Variants in CACNA1E observed in about 807,000 individuals in gnomAD.
CACNA1E encodes the protein voltage-dependent R-type calcium channel subunit alpha-1E.
Under a neutral mutation model 259.2 loss-of-function variants are expected in CACNA1E, and 40 were observed. That is an observed-to-expected ratio of 0.15 (90% CI 0.12 to 0.20). The LOEUF is 0.20. Among genes scored for constraint, CACNA1E ranks in the 10% least tolerant of loss-of-function variants. CACNA1E has a pLI of 1.00. For missense variants in CACNA1E, 1,874 were observed against 3,040.1 expected, an observed-to-expected ratio of 0.62 and a Z score of 9.02; for synonymous variants, 1,104 against 1,138.5, an observed-to-expected ratio of 0.97 and a Z score of 0.61.
chr1:181,697,947 G>C (rs528501798), intron 7 of CACNA1E, among the ~76,000 whole-genome samples: 1 of 152,180 alleles, frequency 6.6e-6, no homozygotes. Context: ...TCTATGCTGG[G>C]GTGGGGGTTA....
chr1:181,413,773 T>G (rs191179408), intron 2 of CACNA1E, among the ~76,000 whole-genome samples: 10 of 152,354 alleles, frequency 6.6e-5, no homozygotes, highest in Admixed American at 2.0e-4. Flanking sequence ...CACCCGGCTG[T>G]AGGCCTCGTC....
chr1:181,742,623 C>A (rs1423923623), intron 25 of CACNA1E, among the ~76,000 whole-genome samples: 1 of 152,198 alleles, frequency 6.6e-6, no homozygotes, highest in Non-Finnish European at 1.5e-5. Flanking sequence ...TTCCACCACC[C>A]AGCCAGAGCC....
intron 15 of CACNA1E, among the ~76,000 whole-genome samples, chr1:181,721,554 T>A (rs538012454): frequency 6.6e-6 from 1 of 152,338 alleles, no homozygotes; most frequent in East Asian, 1.9e-4. Flanking sequence ...TCCTTCCATT[T>A]TCAATGCCTA....
Position 181,415,682 on chromosome 1 carries a change from C to T in CACNA1E, c.434+2102C>T, listed in dbSNP as rs559881095. On this transcript the variant is annotated intron_variant, in intron 2 of 11. Transcript: ENST00000524607. The stretch of plus-strand genomic sequence containing the variant: ...CTGAATGGGAGTAGTTTCCACAGGG[C>T]GATGGGGTCAGTAGCCCAGTTGGAG... Among the ~76,000 whole-genome samples the T allele has an allele frequency of 5.7e-4, 86 of 152,168 alleles. 2 individuals carry two copies. The highest frequency in any genetic ancestry group is 2.0e-3 in the African/African-American group (82 of 41,510).
At chr1:181,738,063 A>G (rs1260682314) in intron 23 of CACNA1E, among the ~76,000 whole-genome samples, 1 of 152,188 alleles carries the variant, frequency 6.6e-6, no homozygotes, top group African/African-American at 2.4e-5. Flanking sequence ...TCAGGTCCCG[A>G]GCCTGAACTA....
At chr1:181,772,368 G>A (rs1481412603) in intron 37 of CACNA1E, 137 bp downstream of exon 37, 5 of 799,304 alleles carry the variant, frequency 6.3e-6, no homozygotes, top group South Asian at 1.7e-5. Context: ...CCCCCACCAT[G>A]CACACACTCA....
chr1:181,624,059 A>AGG (rs1655966660), intron 6 of CACNA1E, among the ~76,000 whole-genome samples: 2 of 152,196 alleles, frequency 1.3e-5, no homozygotes, highest in Admixed American at 1.3e-4. Flanking sequence ...TGGAAGGCGA[A>AGG]GGGGAGCCTG....
At chr1:181,369,330 G>A (rs1177616018) in intron 1 of CACNA1E, among the ~76,000 whole-genome samples, 1 of 152,230 alleles carries the variant, frequency 6.6e-6, no homozygotes, top group Non-Finnish European at 1.5e-5. Context: ...TTCGGGCTCT[G>A]TTTCTTGGTC....
chr1:181,430,051 C>T (rs973879777), intron 2 of CACNA1E, among the ~76,000 whole-genome samples: 1 of 152,184 alleles, frequency 6.6e-6, no homozygotes, highest in Non-Finnish European at 1.5e-5. Context: ...ATCTGATGAC[C>T]TCTACATACT....
intron 1 of CACNA1E, among the ~76,000 whole-genome samples, chr1:181,325,424 TGTC>T (rs1650696967): frequency 6.6e-6 from 1 of 152,152 alleles, no homozygotes; most frequent in Admixed American, 6.5e-5. Context: ...AAGAACATCC[TGTC>T]CCAAGGTGTG....
chr1:181,697,430 G>A (rs1038567461), intron 7 of CACNA1E, among the ~76,000 whole-genome samples: 2 of 152,226 alleles, frequency 1.3e-5, no homozygotes, highest in Non-Finnish European at 1.5e-5. Context: ...AAAGCAGATA[G>A]TGCTTACAAA....
intron 6 of CACNA1E, among the ~76,000 whole-genome samples, chr1:181,606,311 A>G (rs531316440): frequency 1.1e-4 from 17 of 152,114 alleles, no homozygotes; most frequent in Admixed American, 2.0e-4. Context: ...TCCTAGTAAA[A>G]CAGCTCTACC....
chr1:181,608,305 A>G (rs1654422162), intron 6 of CACNA1E, among the ~76,000 whole-genome samples: 1 of 152,148 alleles, frequency 6.6e-6, no homozygotes. Context: ...CCAGGTAAGG[A>G]TAGTGATGGG....
At chr1:181,587,368 G>A (rs1413087561) in intron 6 of CACNA1E, among the ~76,000 whole-genome samples, 1 of 152,148 alleles carries the variant, frequency 6.6e-6, no homozygotes, top group East Asian at 1.9e-4. Context: ...CAGTGAGCCT[G>A]GTGTGTTTTC....
intron 3 of CACNA1E, among the ~76,000 whole-genome samples, chr1:181,525,901 T>C (rs1667321160): frequency 6.6e-6 from 1 of 152,196 alleles, no homozygotes; most frequent in African/African-American, 2.4e-5. Flanking sequence ...GCTATCCTTT[T>C]CCATGGAAAA....
chr1:181,402,951 T>C lies in CACNA1E; in HGVS notation c.-14-10182T>C, dbSNP rs1198274855. Among the ~76,000 whole-genome samples the C allele has an allele frequency of 2.6e-5, 4 of 152,238 alleles. No homozygotes were observed. The East Asian group carries it at 7.7e-4, about 29-fold the overall frequency. On this transcript the variant is annotated intron_variant, in intron 1 of 11. Transcript: ENST00000524607. ...GTGCCCTGTTTTCTTATTTACTTAA[T>C]GGGAAAGATAAAAGTACTTACCCAA...
intron 7 of CACNA1E, among the ~76,000 whole-genome samples, chr1:181,659,679 G>A (rs978235171): frequency 1.3e-5 from 2 of 152,230 alleles, no homozygotes; most frequent in African/African-American, 4.8e-5. Context: ...AGCAATGTGA[G>A]CTCTCTTGTG....
chr1:181,373,729 G>T (rs977990435), intron 1 of CACNA1E, among the ~76,000 whole-genome samples: 2 of 151,946 alleles, frequency 1.3e-5, no homozygotes, highest in African/African-American at 4.8e-5. Context: ...AGTAGAGACG[G>T]GGTTTCACCG....
chr1:181,653,666 CT>C (rs2102075694), intron 7 of CACNA1E, among the ~76,000 whole-genome samples: 1 of 152,346 alleles, frequency 6.6e-6, no homozygotes, highest in Admixed American at 6.5e-5. Flanking sequence ...TAATCTCTGC[CT>C]CTGTGATCAT....
Sources: gnomAD v4.1 joint callset for allele counts (sites outside exome capture counted in the v4.1 genomes callset) on GRCh38, gnomAD v4.1.1 for gene constraint, MANE v1.5 for transcripts, NCBI Gene and HGNC (gene_info 2026-07-23, HGNC 2026-07-21) for gene names.